GANC: variants seen among roughly 807,000 people sequenced by gnomAD.
GANC encodes neutral alpha-glucosidase C.
In GANC, 117 loss-of-function variants were observed where a neutral mutation model predicts 124.2. That is an observed-to-expected ratio of 0.94 (90% CI 0.81 to 1.10). GANC has a LOEUF of 1.10. Among genes scored for constraint, GANC ranks in the 50% least tolerant of loss-of-function variants. GANC has a pLI of 0.00. For synonymous variants in GANC, 377 were observed against 376.8 expected (o/e 1.00, Z -0.01); for missense variants, 1,140 against 1,095.0 (o/e 1.04, Z -0.58).
chr15:42,321,318 C>T lies in GANC; in HGVS notation c.1058-467C>T, dbSNP rs140129476. ...ATTCAGTTTCATCTTCTACTGGTCT[C>T]TCTCACAGTGATACCCTTGAATATT... On this transcript the variant is annotated intron_variant, in intron 10 of 23. Transcript: ENST00000318010. Among the ~76,000 whole-genome samples the T allele has an allele frequency of 1.4e-3, 218 of 152,308 alleles. 2 individuals carry two copies. Among genetic ancestry groups the T allele is most frequent in the Non-Finnish European group, 2.6e-3 (177 of 68,018 alleles).
At chr15:42,347,007 C>T (rs1238452934) in intron 20 of GANC, among the ~76,000 whole-genome samples, 2 of 152,128 alleles carry the variant, frequency 1.3e-5, no homozygotes, top group African/African-American at 4.8e-5. Context: ...ATTATCTACT[C>T]TAATCCCTCA....
At chr15:42,283,584 T>A in intron 3 of GANC, 1 of 697,030 alleles carries the variant, frequency 1.4e-6, no homozygotes, top group Non-Finnish European at 2.6e-6. Flanking sequence ...GGTGACCATT[T>A]GGCAACACGT....
intron 16 of GANC, among the ~76,000 whole-genome samples, chr15:42,338,836 T>A (rs1231384451): frequency 6.6e-6 from 1 of 152,224 alleles, no homozygotes; most frequent in Non-Finnish European, 1.5e-5. Flanking sequence ...CTACAAGGAA[T>A]TTAGCAAATC....
Position 42,353,460 on chromosome 15 carries a change from T to A in GANC, c.*1321T>A, listed in dbSNP as rs150166655. The A allele has an allele frequency of 1.1e-6, 1 of 927,410 alleles. No individual in the cohort carries two copies. The highest frequency in any genetic ancestry group is 1.8e-5 in the African/African-American group (1 of 55,782). The allele number at this position is 927,410 out of a possible 1,614,324, so 57.4% of individuals were successfully genotyped here. On this transcript the variant is annotated 3_prime_UTR_variant, in exon 24 of 24. Coordinates refer to ENST00000318010, the MANE Select transcript of GANC (RefSeq NM_198141.3). ...CTTCCCCGTAATGCTGTCCCACTTA[T>A]AACTGTGCTCTACTTAGCATTCTCA...
At chr15:42,316,434 A>G (rs957869940) in intron 10 of GANC, among the ~76,000 whole-genome samples, 2 of 152,192 alleles carry the variant, frequency 1.3e-5, no homozygotes, top group Admixed American at 6.5e-5. Context: ...AAGGTCAAGC[A>G]AGTCACGTGA....
At position 42,352,807 on chromosome 15, in the gene GANC, T is replaced by G. The variant is rs571663994; in HGVS notation, c.*668T>G. The G allele has an allele frequency of 1.1e-5, 8 of 752,004 alleles. No individual in the cohort carries two copies. The highest frequency in any genetic ancestry group is 1.3e-5 in the Non-Finnish European group (8 of 617,030). 46.6% of individuals were successfully genotyped at this position (752,004 alleles called of 1,614,324 possible). On this transcript the variant is annotated 3_prime_UTR_variant, in exon 24 of 24. Coordinates refer to ENST00000318010, the MANE Select transcript of GANC (RefSeq NM_198141.3). ...AATTAAGTGCTGTTTACTAACCAAA[T>G]AATATTTATAACATGAGTAAGCTAT...
chr15:42,308,448 T>G (rs958728492), intron 8 of GANC, 130 bp downstream of exon 8: 2 of 572,746 alleles, frequency 3.5e-6, no homozygotes, highest in African/African-American at 3.7e-5. Context: ...TGCTTGTGGA[T>G]CTTTAAGAAC....
At chr15:42,336,383 A>G (rs1260571354) in intron 15 of GANC, among the ~76,000 whole-genome samples, 1 of 152,218 alleles carries the variant, frequency 6.6e-6, no homozygotes, top group Non-Finnish European at 1.5e-5. Flanking sequence ...GCAATGGGGA[A>G]AGGACTCCCT....
intron 15 of GANC, among the ~76,000 whole-genome samples, chr15:42,336,333 CCTA>C (rs939170448): frequency 5.3e-5 from 8 of 152,000 alleles, no homozygotes; most frequent in Non-Finnish European, 1.0e-4. Flanking sequence ...AGGTTGCACA[CCTA>C]CAACCATCTG....
At position 42,326,423 on chromosome 15, in the gene GANC, A is replaced by G. The variant is rs747987333; in HGVS notation, c.1419A>G (p.Pro473=). 1 of 1,613,992 alleles carries G rather than the reference A, an allele frequency of 6.2e-7. No individual in the cohort carries two copies. Among genetic ancestry groups the G allele is most frequent in the Admixed American group, 1.7e-5 (1 of 60,020 alleles). Residue 473 remains proline (P), a splice_region_variant and synonymous_variant, in exon 12 of 24, where the codon CCA becomes CCG. Transcript: ENST00000318010. ...AAGACTTTGAAGGGGTGTGTTGGCCAGGTATGAAATCACTTTATACACTTA... is the reference window on the plus strand; with the variant it reads ...AAGACTTTGAAGGGGTGTGTTGGCCGGGTATGAAATCACTTTATACACTTA... ...EGEDFEGVCW[P]GLSSYLDFTN...
chr15:42,341,706 G>A (rs770031643), intron 18 of GANC, among the ~76,000 whole-genome samples: 1 of 152,086 alleles, frequency 6.6e-6, no homozygotes, highest in Non-Finnish European at 1.5e-5. Context: ...TGGATCACAG[G>A]CATGTGCCAC....
At chr15:42,283,526 G>A in intron 3 of GANC, 1 of 639,016 alleles carries the variant, frequency 1.6e-6, no homozygotes, top group Non-Finnish European at 2.8e-6. Context: ...AAGGATGTCT[G>A]GAGCAATCTA....
rs1347940923 is a variant in GANC at position 42,351,316 on chromosome 15, G to T, written c.2532-13G>T. 1.4e-5 allele frequency: 23 copies of T among 1,596,966 alleles called. No homozygotes were observed. The highest frequency in any genetic ancestry group is 2.0e-5 in the Non-Finnish European group (23 of 1,165,126). On this transcript the variant is annotated splice_polypyrimidine_tract_variant and intron_variant, in intron 22 of 23. Transcript: ENST00000318010. Reference sequence around the variant, plus strand: ...CATCCCTCTCCTTTTAATACTGTTTGTATCTATTCCAGTTTTGCTGACCAG... The same window carrying T: ...CATCCCTCTCCTTTTAATACTGTTTTTATCTATTCCAGTTTTGCTGACCAG...
At chr15:42,331,015 T>C (rs1294243567) in intron 15 of GANC, among the ~76,000 whole-genome samples, 1 of 152,048 alleles carries the variant, frequency 6.6e-6, no homozygotes, top group Admixed American at 6.6e-5. Flanking sequence ...CCCAGGCTAG[T>C]CTCGAACTCC....
intron 7 of GANC, among the ~76,000 whole-genome samples, chr15:42,307,370 G>C (rs2052008545): frequency 7.9e-6 from 1 of 126,654 alleles, no homozygotes; most frequent in African/African-American, 3.0e-5. Flanking sequence ...TTCTCACTCT[G>C]TCACCCAGGC....
At chr15:42,278,120 A>C in intron 2 of GANC, 1 of 316,548 alleles carries the variant, frequency 3.2e-6, no homozygotes, top group Non-Finnish European at 6.6e-6. Context: ...ATTATATTTA[A>C]TATCCACTAG....
rs2052463039 is a variant in GANC at position 42,352,698 on chromosome 15, G to A, written c.*559G>A. 2.0e-6 allele frequency: 2 copies of A among 985,904 alleles called. No homozygotes were observed. Among genetic ancestry groups the A allele is most frequent in the South Asian group, 4.7e-5 (1 of 21,292 alleles). The allele number at this position is 985,904 out of a possible 1,614,324, so 61.1% of individuals were successfully genotyped here. On this transcript the variant is annotated 3_prime_UTR_variant, in exon 24 of 24. Transcript: ENST00000318010. ...CCCCTAGAGATCGACTTGGCAGCAC[G>A]AAGGATTCTTTTCTCTTTCATGCTT...
At chr15:42,342,251 G>A (rs1032185454) in intron 18 of GANC, among the ~76,000 whole-genome samples, 3 of 152,100 alleles carry the variant, frequency 2.0e-5, no homozygotes, top group Non-Finnish European at 4.4e-5. Context: ...TACGTGTTGT[G>A]CCAAAGTCAA....
chr15:42,338,428 A>T lies in GANC; in HGVS notation c.1781A>T (p.Asn594Ile), dbSNP rs1566960698. The T allele has an allele frequency of 2.5e-6, 4 of 1,614,012 alleles. No homozygotes were observed. Among genetic ancestry groups the T allele is most frequent in the Non-Finnish European group, 1.7e-6 (2 of 1,179,984 alleles). Residue 594 changes from asparagine (N) to isoleucine (I), a missense_variant, in exon 16 of 24, where the codon AAC becomes ATC. Coordinates refer to ENST00000318010, the MANE Select transcript of GANC (RefSeq NM_198141.3). ...WTGDNTAEWSNLKISIPMLLT... is the reference protein window; with the variant it reads ...WTGDNTAEWSILKISIPMLLT... ...GGCGACAACACAGCAGAATGGAGCAACTTGAAAATTTCTATCCCAATGTTA... is the reference window on the plus strand; with the variant it reads ...GGCGACAACACAGCAGAATGGAGCATCTTGAAAATTTCTATCCCAATGTTA...
Sources: allele counts gnomAD v4.1 joint callset (sites outside exome capture counted in the v4.1 genomes callset), GRCh38; gene constraint gnomAD v4.1.1; transcripts MANE v1.5; gene names NCBI Gene and HGNC (gene_info 2026-07-23, HGNC 2026-07-21).